The following RNF41 variants were observed in gnomAD, a reference collection of about 807,000 sequenced individuals.
RNF41 encodes E3 ubiquitin-protein ligase NRDP1.
RNF41 carries 4 observed loss-of-function variants against 33.0 expected under a neutral mutation model. The ratio of observed to expected loss-of-function variants is 0.12; its 90% CI spans 0.06 to 0.28. RNF41 has a LOEUF of 0.28. Among genes scored for constraint, RNF41 ranks in the 10% least tolerant of loss-of-function variants. The pLI is 1.00. For synonymous variants in RNF41, 164 were observed against 153.2 expected, an observed-to-expected ratio of 1.07 and a Z score of -0.52; for missense variants, 228 against 432.6, an observed-to-expected ratio of 0.53 and a Z score of 4.19.
chr12:56,209,584 A>G (rs780170511), intron 4 of RNF41, among the ~76,000 whole-genome samples: 1 of 152,016 alleles, frequency 6.6e-6, no homozygotes, highest in African/African-American at 2.4e-5. Context: ...CAGCCTCCCA[A>G]GTAGCTGGGA....
Position 56,202,312 on chromosome 12 carries a change from GCTATATGATGGTGCCACTGCACT to G in RNF41, c.*4112_*4134del, listed in dbSNP as rs892048369. ...GCCCAGGAGTTTGAGGCTACAGTGA[GCTATATGATGGTGCCACTGCACT>G]CCAGTCTGGGTGACAGTGTTCTTTC... is the stretch of plus-strand genomic sequence containing the variant. On this transcript the variant is annotated 3_prime_UTR_variant, in exon 7 of 7. Coordinates refer to ENST00000345093, the MANE Select transcript of RNF41 (RefSeq NM_005785.4). 3 of 151,976 alleles carry G rather than the reference GCTATATGATGGTGCCACTGCACT, an allele frequency of 2.0e-5. No homozygotes were observed. The highest frequency in any genetic ancestry group is 2.9e-5 in the Non-Finnish European group (2 of 68,018). The allele number at this position is 151,976 out of a possible 1,614,324, so 9.4% of individuals were successfully genotyped here.
At chr12:56,212,052 G>A (rs1318511605) in intron 3 of RNF41, among the ~76,000 whole-genome samples, 1 of 152,218 alleles carries the variant, frequency 6.6e-6, no homozygotes, top group Non-Finnish European at 1.5e-5. Flanking sequence ...GGGAGGCCAA[G>A]GCAGGCAGAT....
intron 2 of RNF41, 84 bp downstream of exon 2, chr12:56,216,345 T>C (rs1309851747): frequency 6.6e-6 from 1 of 152,174 alleles, no homozygotes; most frequent in Non-Finnish European, 1.5e-5. Flanking sequence ...TTTTAAGAAC[T>C]GGACTTTCAA....
chr12:56,210,032 A>C, intron 4 of RNF41: 1 of 485,052 alleles, frequency 2.1e-6, no homozygotes, highest in East Asian at 3.4e-5. Flanking sequence ...ACTGAAAGGG[A>C]AGAATAGAGT....
intron 6 of RNF41, chr12:56,207,079 T>C (rs1015686102): frequency 3.0e-6 from 4 of 1,333,690 alleles, no homozygotes; most frequent in African/African-American, 1.5e-5. Context: ...ACACAGTTAG[T>C]GCTCTATGTT....
chr12:56,213,871 C>T, intron 3 of RNF41, 87 bp downstream of exon 3: 1 of 871,640 alleles, frequency 1.1e-6, no homozygotes, highest in Middle Eastern at 2.3e-4. Context: ...ACAGTGACTT[C>T]ACCATGGGTC....
chr12:56,213,111 A>G (rs926982770), intron 3 of RNF41: 11 of 1,289,622 alleles, frequency 8.5e-6, no homozygotes, highest in Non-Finnish European at 1.0e-5. Context: ...ATCAAAATGC[A>G]GAGTGCATGG....
At chr12:56,215,734 AAAAAG>A (rs1450480351) in intron 2 of RNF41, among the ~76,000 whole-genome samples, 2 of 151,464 alleles carry the variant, frequency 1.3e-5, no homozygotes, top group Admixed American at 6.6e-5. Flanking sequence ...AAAAAAAAAA[AAAAAG>A]AGAGGTCCAA....
chr12:56,220,946 C>A (rs1172832077), intron 1 of RNF41, among the ~76,000 whole-genome samples: 1 of 152,096 alleles, frequency 6.6e-6, no homozygotes, highest in Non-Finnish European at 1.5e-5. Context: ...AGTCTCTTGC[C>A]CTATTGTCAG....
intron 3 of RNF41, among the ~76,000 whole-genome samples, chr12:56,213,319 C>T (rs1329833140): frequency 6.6e-6 from 1 of 151,980 alleles, no homozygotes; most frequent in East Asian, 1.9e-4. Context: ...TCCTGTCTAG[C>T]CTCCTGAGTA....
chr12:56,213,166 A>T (rs1868608844), intron 3 of RNF41: 1 of 1,278,384 alleles, frequency 7.8e-7, no homozygotes, highest in South Asian at 1.2e-5. Context: ...GGAAAAAAAT[A>T]GGTCAGTACA....
chr12:56,218,717 T>A (rs1023869170), intron 1 of RNF41, among the ~76,000 whole-genome samples: 10 of 149,432 alleles, frequency 6.7e-5, no homozygotes, highest in Non-Finnish European at 1.2e-4. Context: ...ATGTTATTTT[T>A]TTTTTGAGAC....
At chr12:56,209,679 A>G (rs957671522) in intron 4 of RNF41, among the ~76,000 whole-genome samples, 2 of 151,964 alleles carry the variant, frequency 1.3e-5, no homozygotes, top group African/African-American at 4.8e-5. Context: ...GGATGGTCTC[A>G]ATCTCCTGAC....
At chr12:56,207,504 C>G in intron 6 of RNF41, 142 bp downstream of exon 6, 1 of 780,796 alleles carries the variant, frequency 1.3e-6, no homozygotes. Context: ...TCCTCTGCCC[C>G]TGTCCTTAAT....
Position 56,204,583 on chromosome 12 carries a change from A to G in RNF41, c.*1864T>C, listed in dbSNP as rs2135796284. 1 of 152,838 alleles carries G rather than the reference A, an allele frequency of 6.5e-6. No homozygotes were observed. Among genetic ancestry groups the G allele is most frequent in the South Asian group, 2.1e-4 (1 of 4,824 alleles). 9.5% of individuals were successfully genotyped at this position (152,838 alleles called of 1,614,324 possible). A position where few individuals can be genotyped will look rare whatever the true frequency, so the allele number is the denominator to read the frequency against. On this transcript the variant is annotated 3_prime_UTR_variant, in exon 7 of 7. Transcript: ENST00000345093. The stretch of plus-strand genomic sequence containing the variant: ...ATACAACACAACCAGCAACCTGCAG[A>G]GACACTAGTGCAAAGGGTAGGGAAG...
Position 56,210,047 on chromosome 12 carries a change from C to A in RNF41, c.362+250G>T, listed in dbSNP as rs1868370577. On this transcript the variant is annotated intron_variant, in intron 4 of 6. Transcript: ENST00000345093. ...ACTGAAAGGGAAGAATAGAGTCAAT[C>A]AAGCTTTAATGTTATTACACAAATT... is the stretch of plus-strand genomic sequence containing the variant. The A allele has an allele frequency of 7.6e-6, 4 of 525,096 alleles. No individual in the cohort carries two copies. The South Asian group carries it at 9.9e-5, about 13-fold the overall frequency. 32.5% of individuals were successfully genotyped at this position (525,096 alleles called of 1,614,324 possible).
At position 56,220,776 on chromosome 12, in the gene RNF41, G is replaced by A. The variant is rs534406131; in HGVS notation, c.-209+984C>T. Among the ~76,000 whole-genome samples, 27 of 151,516 alleles carry A rather than the reference G, an allele frequency of 1.8e-4. No homozygotes were observed. The South Asian group carries it at 4.8e-3, about 27-fold the overall frequency. ...ATGCAAAATAAATTTAGAGTACTGA[G>A]AGTCGGAGAGGAAATGCTTGACAAA... On this transcript the variant is annotated intron_variant, in intron 1 of 6. Transcript: ENST00000345093.
intron 1 of RNF41, among the ~76,000 whole-genome samples, chr12:56,219,674 C>T (rs561715102): frequency 6.7e-6 from 1 of 148,754 alleles, no homozygotes; most frequent in African/African-American, 2.5e-5. Context: ...TGTATATACA[C>T]GCGCGCACCC....
In RNF41 at chr12:56,203,724, T is replaced by A. The variant is rs1227589010; in HGVS notation, c.*2723A>T. 1.9e-5 allele frequency: 2 copies of A among 107,948 alleles called. No homozygotes were observed. Among genetic ancestry groups the A allele is most frequent in the South Asian group, 3.0e-4 (1 of 3,328 alleles). 6.7% of individuals were successfully genotyped at this position (107,948 alleles called of 1,614,324 possible). A position where few individuals can be genotyped will look rare whatever the true frequency, so the allele number is the denominator to read the frequency against. On this transcript the variant is annotated 3_prime_UTR_variant, in exon 7 of 7. Coordinates refer to ENST00000345093, the MANE Select transcript of RNF41 (RefSeq NM_005785.4). The stretch of plus-strand genomic sequence containing the variant: ...AGACTTTTTTTTTTTTTTTTTTTTT[T>A]AGACGGAGCCTTGCTCTGTCGCCCA...
Sources: gnomAD v4.1 joint callset for allele counts (sites outside exome capture counted in the v4.1 genomes callset) on GRCh38, gnomAD v4.1.1 for gene constraint, MANE v1.5 for transcripts, NCBI Gene and HGNC (gene_info 2026-07-23, HGNC 2026-07-21) for gene names.